The following ANXA10 variants were observed in gnomAD, a reference collection of about 807,000 sequenced individuals.
The protein encoded by ANXA10 is annexin A10, also known as annexin 14.
A neutral mutation model predicts 53.5 loss-of-function variants in ANXA10; 49 were observed. The observed-to-expected ratio is 0.92, with a 90% CI of 0.73 to 1.16. The LOEUF (loss-of-function observed/expected upper bound fraction) is 1.16, where lower values mean the gene tolerates loss of function less well. Among genes scored for constraint, ANXA10 ranks in the 50% most tolerant of loss-of-function variants. ANXA10 has a pLI of 0.00. For synonymous variants in ANXA10, 131 were observed against 128.9 expected (o/e 1.02, Z -0.11); for missense variants, 393 against 394.4 (o/e 1.00, Z 0.03).
In ANXA10 at chr4:168,179,329, T is replaced by C. The variant is rs1732194678; in HGVS notation, c.724+17T>C. The C allele has an allele frequency of 1.3e-6, 2 of 1,535,568 alleles. No homozygotes were observed. The highest frequency in any genetic ancestry group is 2.7e-5 in the African/African-American group (2 of 73,384). ...TTGCAATTGGTAAGTAATAAATTAT[T>C]TGAAGCACAACAGACATTTTATTTC... is the stretch of plus-strand genomic sequence containing the variant. On this transcript the variant is annotated intron_variant, in intron 9 of 11. Coordinates refer to ENST00000359299, the MANE Select transcript of ANXA10 (RefSeq NM_007193.5).
intron 2 of ANXA10, among the ~76,000 whole-genome samples, chr4:168,130,929 T>TC (rs1731146674): frequency 6.6e-6 from 1 of 151,700 alleles, no homozygotes; most frequent in South Asian, 2.1e-4. Flanking sequence ...TATTGATGTT[T>TC]CCCCCAAAAA....
chr4:168,156,238 A>G (rs1366151633), intron 3 of ANXA10, among the ~76,000 whole-genome samples: 1 of 34,754 alleles, frequency 2.9e-5, no homozygotes, highest in Non-Finnish European at 5.0e-5. Context: ...TATATTATAT[A>G]TAATAGTATA....
intron 2 of ANXA10, among the ~76,000 whole-genome samples, chr4:168,129,232 A>G (rs1387864038): frequency 6.6e-6 from 1 of 152,180 alleles, no homozygotes; most frequent in Non-Finnish European, 1.5e-5. Context: ...AAAACAATAG[A>G]GGACTTAAAA....
chr4:168,103,674 A>G (rs917955162), intron 1 of ANXA10, among the ~76,000 whole-genome samples: 3 of 151,962 alleles, frequency 2.0e-5, no homozygotes, highest in Non-Finnish European at 2.9e-5. Flanking sequence ...ATTTTTGAAT[A>G]AAATTGTCAA....
At chr4:168,109,952 A>G (rs1282697655) in intron 1 of ANXA10, among the ~76,000 whole-genome samples, 1 of 152,218 alleles carries the variant, frequency 6.6e-6, no homozygotes, top group East Asian at 1.9e-4. Flanking sequence ...GGCTCACGCC[A>G]GTAATCCCAG....
At chr4:168,111,126 A>T (rs1730800418) in intron 1 of ANXA10, among the ~76,000 whole-genome samples, 2 of 152,210 alleles carry the variant, frequency 1.3e-5, no homozygotes, top group Non-Finnish European at 2.9e-5. Context: ...AAATTTTAGA[A>T]TCACCATTCA....
chr4:168,150,052 C>T (rs1042836052), intron 3 of ANXA10, among the ~76,000 whole-genome samples: 1 of 152,182 alleles, frequency 6.6e-6, no homozygotes, highest in Non-Finnish European at 1.5e-5. Flanking sequence ...CCTCTACTTT[C>T]CCCAGTCACC....
chr4:168,134,741 T>C (rs976884957), intron 2 of ANXA10, among the ~76,000 whole-genome samples: 1 of 152,172 alleles, frequency 6.6e-6, no homozygotes, highest in Non-Finnish European at 1.5e-5. Flanking sequence ...TCAGTAGCCA[T>C]TAATTTCTAT....
At position 168,187,453 on chromosome 4, in the gene ANXA10, T is replaced by A; in HGVS notation, c.*19T>A. The A allele has an allele frequency of 6.6e-6, 10 of 1,526,554 alleles. No homozygotes were observed. Among genetic ancestry groups the A allele is most frequent in the Non-Finnish European group, 8.9e-6 (10 of 1,121,156 alleles). 94.6% of individuals were successfully genotyped at this position (1,526,554 alleles called of 1,614,324 possible). A position where few individuals can be genotyped will look rare whatever the true frequency, so the allele number is the denominator to read the frequency against. On this transcript the variant is annotated 3_prime_UTR_variant, in exon 12 of 12. Coordinates refer to ENST00000359299, the MANE Select transcript of ANXA10 (RefSeq NM_007193.5). Reference sequence around the variant, plus strand: ...CTACTAAAATGAAGAGGACTTGGAGTACTGTGCACTCCTCTTTCTAGACAC... The same window carrying A: ...CTACTAAAATGAAGAGGACTTGGAGAACTGTGCACTCCTCTTTCTAGACAC...
At chr4:168,124,297 G>T (rs1446174566) in intron 1 of ANXA10, among the ~76,000 whole-genome samples, 1 of 152,126 alleles carries the variant, frequency 6.6e-6, no homozygotes, top group Non-Finnish European at 1.5e-5. Context: ...AGAGATGGGA[G>T]TTGAGGAGGA....
At chr4:168,114,818 G>A (rs921665861) in intron 1 of ANXA10, among the ~76,000 whole-genome samples, 1 of 152,116 alleles carries the variant, frequency 6.6e-6, no homozygotes, top group Non-Finnish European at 1.5e-5. Context: ...CCGAAGACAC[G>A]ATCTCATTTA....
chr4:168,161,853 G>T (rs1395365007), intron 3 of ANXA10, among the ~76,000 whole-genome samples: 1 of 151,992 alleles, frequency 6.6e-6, no homozygotes, highest in African/African-American at 2.4e-5. Flanking sequence ...TTCATGATTT[G>T]GCTCTTGGCT....
chr4:168,185,045 C>A (rs1282805249), intron 11 of ANXA10, among the ~76,000 whole-genome samples: 1 of 151,774 alleles, frequency 6.6e-6, no homozygotes, highest in Admixed American at 6.6e-5. Flanking sequence ...TCCCAGCTAC[C>A]CGGGAGGCTG....
chr4:168,177,826 A>G, intron 7 of ANXA10, 33 bp downstream of exon 7: 2 of 1,614,128 alleles, frequency 1.2e-6, no homozygotes, highest in Non-Finnish European at 1.7e-6. Context: ...CTGACTGCAA[A>G]GAACCTGGGT....
chr4:168,139,338 A>G (rs998787230), intron 2 of ANXA10, 148 bp from the exon 3 acceptor site: 2 of 567,016 alleles, frequency 3.5e-6, no homozygotes, highest in Non-Finnish European at 6.2e-6. Context: ...GCATCATTAC[A>G]TGATTTCCAA....
intron 1 of ANXA10, 127 bp downstream of exon 1, chr4:168,092,845 T>C (rs1440882226): frequency 1.3e-6 from 1 of 794,392 alleles, no homozygotes. Context: ...TCTTACTACT[T>C]TCTTACTATT....
Position 168,177,949 on chromosome 4 carries a change from C to A in ANXA10, c.594C>A (p.Ile198=). The change falls in exon 8 of 12, where the codon ATC becomes ATA. Residue 198 remains isoleucine (I), a synonymous_variant. Coordinates refer to ENST00000359299, the MANE Select transcript of ANXA10 (RefSeq NM_007193.5). The part of the protein sequence containing the change: ...TGEHKTMLQM[I]LCNKSYQQLR... ...AGCACAAAACCATGCTGCAAATGAT[C>A]CTGTGCAACAAGAGCTACCAGCAGC... 6.2e-7 allele frequency: 1 copy of A among 1,613,860 alleles called. No homozygotes were observed. Among genetic ancestry groups the A allele is most frequent in the Non-Finnish European group, 8.5e-7 (1 of 1,180,004 alleles).
intron 10 of ANXA10, among the ~76,000 whole-genome samples, chr4:168,183,130 T>C (rs1732293512): frequency 6.6e-6 from 1 of 152,026 alleles, no homozygotes. Context: ...AATAATACAG[T>C]AATTTTAATC....
chr4:168,118,959 C>T (rs1730942881), intron 1 of ANXA10, among the ~76,000 whole-genome samples: 1 of 151,922 alleles, frequency 6.6e-6, no homozygotes, highest in Non-Finnish European at 1.5e-5. Flanking sequence ...ATCAAATGCA[C>T]AAATATTTGA....
Sources: gnomAD v4.1 joint callset for allele counts (sites outside exome capture counted in the v4.1 genomes callset) on GRCh38, gnomAD v4.1.1 for gene constraint, MANE v1.5 for transcripts, NCBI Gene and HGNC (gene_info 2026-07-23, HGNC 2026-07-21) for gene names.